CDK14: variants seen among roughly 807,000 people sequenced by gnomAD.
CDK14 encodes the protein cyclin dependent kinase 14.
In CDK14, 34 loss-of-function variants were observed where a neutral mutation model predicts 60.7. That is an observed-to-expected ratio of 0.56 (90% confidence interval 0.43 to 0.75). CDK14 has a LOEUF of 0.75. CDK14 is among the 30% of genes least tolerant of loss of function. CDK14 has a pLI of 0.00. For missense variants in CDK14, 482 were observed against 564.1 expected, an observed-to-expected ratio of 0.85 and a Z score of 1.47; for synonymous variants, 197 against 203.7, an observed-to-expected ratio of 0.97 and a Z score of 0.28.
At chr7:90,792,871 C>T (rs1309084896) in intron 5 of CDK14, among the ~76,000 whole-genome samples, 1 of 152,152 alleles carries the variant, frequency 6.6e-6, no homozygotes, top group Non-Finnish European at 1.5e-5. Flanking sequence ...TATAGAGTTT[C>T]CTGTCTCAGG....
intron 8 of CDK14, among the ~76,000 whole-genome samples, chr7:90,943,442 G>T (rs740828): frequency 0.64 from 97,001 of 151,710 alleles, 31,553 homozygotes; most frequent in East Asian, 0.88. Context: ...GTTTAGAGGA[G>T]AAATTAATTC....
rs576349244 is a variant in CDK14 at position 90,849,256 on chromosome 7, A to G, written c.545-13919A>G. 9.7e-4 allele frequency among the ~76,000 whole-genome samples: 146 copies of G among 150,422 alleles called. 1 individual carries two copies. The highest frequency in any genetic ancestry group is 1.8e-3 in the Non-Finnish European group (125 of 67,992). ...CCGAGCCCTTGCTTCCTCTCTCATC[A>G]TGTGATATGCTGCTCGCTCTTCACC... On this transcript the variant is annotated intron_variant, in intron 5 of 14. Coordinates refer to ENST00000380050, the MANE Select transcript of CDK14 (RefSeq NM_001287135.2).
chr7:91,059,997 A>C (rs542585311), intron 11 of CDK14, among the ~76,000 whole-genome samples: 3 of 151,878 alleles, frequency 2.0e-5, no homozygotes, highest in Admixed American at 1.3e-4. Flanking sequence ...CTAATGTTGA[A>C]AGTCGGGTGC....
chr7:91,106,977 A>G lies in CDK14; in HGVS notation c.1155-5565A>G, dbSNP rs182157914. 3.0e-4 allele frequency among the ~76,000 whole-genome samples: 46 copies of G among 152,330 alleles called. No individual in the cohort carries two copies. The East Asian group carries it at 8.1e-3, about 27-fold the overall frequency. ...CATTACCATTCTACCAAGCAGCTCC[A>G]TGAGAGGGGTTAACTAGGACACAGG... On this transcript the variant is annotated intron_variant, in intron 12 of 14. Coordinates refer to ENST00000380050, the MANE Select transcript of CDK14 (RefSeq NM_001287135.2).
chr7:90,766,806 C>G (rs1316477341), intron 4 of CDK14, among the ~76,000 whole-genome samples: 1 of 152,132 alleles, frequency 6.6e-6, no homozygotes, highest in Non-Finnish European at 1.5e-5. Flanking sequence ...GCAGCTCTCT[C>G]ATCAACAGCT....
At chr7:90,620,175 A>G (rs1799736842) in intron 2 of CDK14, among the ~76,000 whole-genome samples, 1 of 152,240 alleles carries the variant, frequency 6.6e-6, no homozygotes, top group African/African-American at 2.4e-5. Flanking sequence ...ATGAGCTTTC[A>G]GTGGGACATC....
chr7:90,867,614 A>T (rs1407035962), intron 6 of CDK14, among the ~76,000 whole-genome samples: 1 of 152,092 alleles, frequency 6.6e-6, no homozygotes, highest in Admixed American at 6.6e-5. Context: ...ATTACCAGGG[A>T]ATAAGGAGGA....
At chr7:91,064,486 G>T (rs1797912906) in intron 11 of CDK14, among the ~76,000 whole-genome samples, 1 of 152,168 alleles carries the variant, frequency 6.6e-6, no homozygotes, top group Non-Finnish European at 1.5e-5. Flanking sequence ...TTATTACATG[G>T]ATTACAGTGA....
chr7:90,724,546 T>G (rs977148490), intron 2 of CDK14, among the ~76,000 whole-genome samples: 3 of 151,902 alleles, frequency 2.0e-5, no homozygotes, highest in African/African-American at 4.8e-5. Context: ...AGACTTTTCT[T>G]CTTTTCTCTA....
At chr7:90,793,970 G>A (rs910824923) in intron 5 of CDK14, among the ~76,000 whole-genome samples, 5 of 152,056 alleles carry the variant, frequency 3.3e-5, no homozygotes, top group African/African-American at 7.3e-5. Context: ...ACCAGCCCAC[G>A]ATATTCAACA....
chr7:91,075,788 A>T (rs184273370), intron 11 of CDK14, among the ~76,000 whole-genome samples: 39 of 152,336 alleles, frequency 2.6e-4, no homozygotes, highest in Middle Eastern at 3.4e-3. Flanking sequence ...TACAAAATCA[A>T]TGTACAGAAA....
At chr7:90,691,043 C>T (rs1263830602) in intron 2 of CDK14, among the ~76,000 whole-genome samples, 1 of 152,118 alleles carries the variant, frequency 6.6e-6, no homozygotes, top group East Asian at 1.9e-4. Flanking sequence ...TATTCTTACT[C>T]ATAGTAATAA....
intron 10 of CDK14, among the ~76,000 whole-genome samples, chr7:91,033,982 A>G (rs1225223003): frequency 6.6e-6 from 1 of 152,222 alleles, no homozygotes; most frequent in Non-Finnish European, 1.5e-5. Context: ...TTAGTTGGGG[A>G]AAAACATTTG....
At chr7:90,940,473 G>A (rs958412158) in intron 8 of CDK14, among the ~76,000 whole-genome samples, 4 of 151,986 alleles carry the variant, frequency 2.6e-5, no homozygotes, top group Admixed American at 6.6e-5. Context: ...CTCCATGCCC[G>A]TAAGTCTTTG....
intron 10 of CDK14, among the ~76,000 whole-genome samples, chr7:91,041,707 TC>T (rs1797095658): frequency 6.6e-6 from 1 of 152,144 alleles, no homozygotes; most frequent in Non-Finnish European, 1.5e-5. Flanking sequence ...TTACTTACAA[TC>T]CCCCAACCAG....
At chr7:90,668,045 G>A (rs1478116340) in intron 2 of CDK14, among the ~76,000 whole-genome samples, 1 of 152,006 alleles carries the variant, frequency 6.6e-6, no homozygotes, top group African/African-American at 2.4e-5. Context: ...TTTCTTAGTG[G>A]GTTTGCTAGG....
At chr7:90,850,845 A>G (rs1030668969) in intron 5 of CDK14, among the ~76,000 whole-genome samples, 1 of 152,180 alleles carries the variant, frequency 6.6e-6, no homozygotes, top group Non-Finnish European at 1.5e-5. Context: ...TGATTTGAGC[A>G]GCAGTTTCCT....
intron 8 of CDK14, among the ~76,000 whole-genome samples, chr7:90,929,806 A>G (rs1793533178): frequency 6.6e-6 from 1 of 152,232 alleles, no homozygotes; most frequent in African/African-American, 2.4e-5. Flanking sequence ...TGTGGATCAC[A>G]AGAAAATTTA....
intron 7 of CDK14, among the ~76,000 whole-genome samples, chr7:90,907,148 TG>T (rs1202042544): frequency 6.6e-6 from 1 of 152,068 alleles, no homozygotes; most frequent in African/African-American, 2.4e-5. Context: ...TTAAAGGCAT[TG>T]CAACCAGTTT....
Sources: gnomAD v4.1 joint callset for allele counts (sites outside exome capture counted in the v4.1 genomes callset) on GRCh38, gnomAD v4.1.1 for gene constraint, MANE v1.5 for transcripts, NCBI Gene and HGNC (gene_info 2026-07-23, HGNC 2026-07-21) for gene names.